The following PPP1R1C variants were observed in gnomAD, a reference collection of about 807,000 sequenced individuals.
The protein encoded by PPP1R1C is protein phosphatase 1 regulatory subunit 1C.
PPP1R1C carries 15 observed loss-of-function variants against 17.4 expected under a neutral mutation model. That is an observed-to-expected ratio of 0.86 (90% CI 0.58 to 1.33). The LOEUF is 1.33. Among genes scored for constraint, PPP1R1C ranks in the 40% most tolerant of loss-of-function variants. PPP1R1C has a pLI of 0.00. For synonymous variants in PPP1R1C, 35 were observed against 43.1 expected (o/e 0.81, Z 0.73); for missense variants, 143 against 130.0 (o/e 1.10, Z -0.48).
In PPP1R1C at chr2:181,967,190, C is replaced by T. The variant is rs776919044; in HGVS notation, n.112-8029C>T. ...GATTTTATTTATTTGAGTCTTCTCTCGTTTTTTGTTAGTAAGTCTGGCTAA... is the reference window on the plus strand; with the variant it reads ...GATTTTATTTATTTGAGTCTTCTCTTGTTTTTTGTTAGTAAGTCTGGCTAA... On this transcript the variant is annotated intron_variant and non_coding_transcript_variant, in intron 1 of 5. Transcript: ENST00000464264. This position sits in a 1 kb window ranked among gnomAD's most constrained non-coding sequence, Gnocchi z 5.5. Among the ~76,000 whole-genome samples the T allele has an allele frequency of 2.6e-5, 4 of 152,106 alleles. No individual in the cohort carries two copies. Among genetic ancestry groups the T allele is most frequent in the Middle Eastern group, 3.4e-3 (1 of 294 alleles).
At chr2:182,014,989 A>C (rs1346654608) in intron 2 of PPP1R1C, among the ~76,000 whole-genome samples, 1 of 152,092 alleles carries the variant, frequency 6.6e-6, no homozygotes, top group Non-Finnish European at 1.5e-5. Flanking sequence ...AATGCTGTCC[A>C]GAAGCCATAG....
At chr2:182,030,993 C>G (rs1686813259) in intron 2 of PPP1R1C, 1 of 153,600 alleles carries the variant, frequency 6.5e-6, no homozygotes, top group Admixed American at 6.5e-5. Flanking sequence ...AGTCCGTCAT[C>G]CCTTTCTTTG....
intron 1 of PPP1R1C, among the ~76,000 whole-genome samples, chr2:181,955,407 A>T (rs1196845165): frequency 2.0e-5 from 3 of 152,230 alleles, no homozygotes; most frequent in African/African-American, 7.2e-5. Context: ...CACCAGGGAA[A>T]GGCCATGTGC....
intron 4 of PPP1R1C, among the ~76,000 whole-genome samples, chr2:182,114,843 G>A (rs1689536960): frequency 6.6e-6 from 1 of 152,084 alleles, no homozygotes; most frequent in Non-Finnish European, 1.5e-5. Flanking sequence ...GTATAACTTT[G>A]TGACTATTAT....
chr2:182,114,163 G>A (rs12469776), intron 4 of PPP1R1C, among the ~76,000 whole-genome samples: 4,609 of 152,152 alleles, frequency 0.03, 208 homozygotes, highest in Admixed American at 0.13. Context: ...AACCTTCAAT[G>A]TGTTTTTTGG....
intron 2 of PPP1R1C, among the ~76,000 whole-genome samples, chr2:181,991,624 TA>T (rs1685475820): frequency 1.3e-5 from 2 of 152,142 alleles, no homozygotes; most frequent in African/African-American, 2.4e-5. Context: ...AAAACTGAGA[TA>T]GGGGAAGTAG....
chr2:182,055,847 C>G (rs1490537222), intron 2 of PPP1R1C, among the ~76,000 whole-genome samples: 1 of 152,146 alleles, frequency 6.6e-6, no homozygotes, highest in Non-Finnish European at 1.5e-5. Context: ...TGGAAGAATT[C>G]ATCTTCCACT....
intron 2 of PPP1R1C, among the ~76,000 whole-genome samples, chr2:182,043,253 C>T (rs572129295): frequency 5.3e-5 from 8 of 152,010 alleles, no homozygotes; most frequent in Non-Finnish European, 1.2e-4. Flanking sequence ...TTTCTTAAAC[C>T]ACCAAAATTT....
Position 181,976,382 on chromosome 2 carries a change from A to T in PPP1R1C, n.157+1118A>T, listed in dbSNP as rs1232499672. ...AACAGAGTTCTAGAAGTTACTCTGA[A>T]TCCAAACCAAATAAAATCTTATAAC... On this transcript the variant is annotated intron_variant and non_coding_transcript_variant, in intron 2 of 5. Coordinates refer to the PPP1R1C transcript ENST00000464264. This position sits in a 1 kb window ranked among gnomAD's most constrained non-coding sequence, Gnocchi z 4.8. Among the ~76,000 whole-genome samples the T allele has an allele frequency of 6.6e-6, 1 of 152,170 alleles. No individual in the cohort carries two copies. Among genetic ancestry groups the T allele is most frequent in the African/African-American group, 2.4e-5 (1 of 41,458 alleles).
chr2:182,116,200 T>C (rs751071194), intron 4 of PPP1R1C, among the ~76,000 whole-genome samples: 3 of 152,194 alleles, frequency 2.0e-5, no homozygotes, highest in Non-Finnish European at 2.9e-5. Context: ...CAATCAATGA[T>C]TTAGACAATA....
rs1280379749 is a variant in PPP1R1C at position 181,986,134 on chromosome 2, G to C, written c.24G>C (p.Lys8Asn). Reference protein sequence around the residue: MEPNSPKKIQFAVPVFQS... With the variant: MEPNSPKNIQFAVPVFQS... ...CCATGGAGCCCAACAGTCCCAAAAA[G>C]ATACAGTTTGCCGTGCCTGTATTCC... Residue 8 changes from lysine to asparagine, a missense_variant, in exon 1 of 5, where the codon AAG (lysine) becomes AAC (asparagine). Transcript: ENST00000682840. The C allele has an allele frequency of 3.1e-6, 5 of 1,613,684 alleles. No homozygotes were observed. The highest frequency in any genetic ancestry group is 4.2e-6 in the Non-Finnish European group (5 of 1,179,746).
intron 1 of PPP1R1C, among the ~76,000 whole-genome samples, chr2:181,958,379 C>T (rs1684704842): frequency 6.6e-6 from 1 of 152,138 alleles, no homozygotes; most frequent in African/African-American, 2.4e-5. Flanking sequence ...TGCAGTAAAC[C>T]AAGGACAGTC....
At chr2:182,024,025 A>G (rs1459653260) in intron 2 of PPP1R1C, 1 of 152,188 alleles carries the variant, frequency 6.6e-6, no homozygotes, top group Non-Finnish European at 1.5e-5. Context: ...ATATGGTAGG[A>G]GCAATATCCA....
chr2:182,071,112 T>C (rs1688127342), intron 4 of PPP1R1C, among the ~76,000 whole-genome samples: 1 of 152,220 alleles, frequency 6.6e-6, no homozygotes, highest in African/African-American at 2.4e-5. Flanking sequence ...TCAATATGTA[T>C]ACGTTGTTAT....
intron 2 of PPP1R1C, among the ~76,000 whole-genome samples, chr2:181,995,432 G>GAAAA (rs1685586084): frequency 6.6e-6 from 1 of 152,130 alleles, no homozygotes; most frequent in Non-Finnish European, 1.5e-5. Context: ...AGGTAGTTGG[G>GAAAA]CTCATGTGTC....
At chr2:182,065,990 A>G (rs1687972368) in intron 4 of PPP1R1C, among the ~76,000 whole-genome samples, 1 of 152,138 alleles carries the variant, frequency 6.6e-6, no homozygotes, top group Admixed American at 6.6e-5. Context: ...TCCATCATTC[A>G]AAATGAATCT....
chr2:182,045,347 T>G (rs1460205392), intron 2 of PPP1R1C, among the ~76,000 whole-genome samples: 27 of 152,160 alleles, frequency 1.8e-4, no homozygotes, highest in Admixed American at 1.8e-3. Flanking sequence ...TGACAAAAAC[T>G]AACTTCTATA....
At chr2:182,030,498 G>C (rs1353481459) in intron 2 of PPP1R1C, among the ~76,000 whole-genome samples, 1 of 150,156 alleles carries the variant, frequency 6.7e-6, no homozygotes, top group Non-Finnish European at 1.5e-5. Context: ...TGCCCCTGCT[G>C]GGGGGTGCCT....
intron 2 of PPP1R1C, among the ~76,000 whole-genome samples, chr2:182,011,824 T>C (rs1041225649): frequency 5.9e-5 from 9 of 152,098 alleles, no homozygotes; most frequent in African/African-American, 2.2e-4. Flanking sequence ...TCTATTTTCA[T>C]TTGTTTCAAG....
Sources: allele counts gnomAD v4.1 joint callset (sites outside exome capture counted in the v4.1 genomes callset), GRCh38; gene constraint gnomAD v4.1.1; non-coding constraint Gnocchi (gnomAD v3.1); transcripts MANE v1.5; gene names NCBI Gene and HGNC (gene_info 2026-07-23, HGNC 2026-07-21).